The following PIK3C2G variants were observed in gnomAD, a reference collection of about 807,000 sequenced individuals.
PIK3C2G encodes phosphatidylinositol 3-kinase C2 domain-containing subunit gamma.
A neutral mutation model predicts 181.1 loss-of-function variants in PIK3C2G; 168 were observed. That is an observed-to-expected ratio of 0.93 (90% confidence interval 0.82 to 1.05). PIK3C2G has a LOEUF of 1.05. Among genes scored for constraint, PIK3C2G ranks in the 50% least tolerant of loss-of-function variants. PIK3C2G has a pLI of 0.00. For synonymous variants in PIK3C2G, 573 were observed against 592.2 expected (o/e 0.97, Z 0.47); for missense variants, 1,869 against 1,732.8 (o/e 1.08, Z -1.40).
intron 22 of PIK3C2G, among the ~76,000 whole-genome samples, chr12:18,501,993 G>T (rs1941522786): frequency 6.6e-6 from 1 of 152,128 alleles, no homozygotes; most frequent in African/African-American, 2.4e-5. Context: ...AAATTTTCAG[G>T]ATTAAAAAGC....
chr12:18,263,965 G>A (rs149107281), intron 1 of PIK3C2G, among the ~76,000 whole-genome samples: 197 of 152,156 alleles, frequency 1.3e-3, no homozygotes, highest in African/African-American at 4.6e-3. Flanking sequence ...ATAGGACAAG[G>A]CAATTGTTTG....
chr12:18,662,721 C>G, the PIK3C2G span, among the ~76,000 whole-genome samples: 52 of 152,106 alleles, frequency 3.4e-4, no homozygotes, highest in South Asian at 0.011. Context: ...AAAATGAGGT[C>G]TAGTCTGTAA....
chr12:18,246,832 G>T (rs1037274094), upstream of PIK3C2G, among the ~76,000 whole-genome samples: 1 of 152,100 alleles, frequency 6.6e-6, no homozygotes, highest in Non-Finnish European at 1.5e-5. Context: ...AGACTTAGCT[G>T]GAGACTCATA....
chr12:18,516,784 T>A (rs1334376268), intron 24 of PIK3C2G, among the ~76,000 whole-genome samples: 1 of 151,996 alleles, frequency 6.6e-6, no homozygotes, highest in Non-Finnish European at 1.5e-5. Flanking sequence ...ATTGTGGTTT[T>A]TTCTTTCTAG....
At chr12:18,248,723 A>G (rs1948067200) in intron 1 of PIK3C2G, among the ~76,000 whole-genome samples, 1 of 152,210 alleles carries the variant, frequency 6.6e-6, no homozygotes, top group South Asian at 2.1e-4. Flanking sequence ...ACTTTTGGGT[A>G]TGCCATGCTC....
intron 18 of PIK3C2G, among the ~76,000 whole-genome samples, chr12:18,478,840 C>T (rs190543954): frequency 8.6e-4 from 130 of 151,728 alleles, no homozygotes; most frequent in African/African-American, 2.7e-3. Context: ...CCAGACGTGG[C>T]GGCGCAAGCC....
intron 13 of PIK3C2G, among the ~76,000 whole-genome samples, chr12:18,375,291 C>A (rs1192063772): frequency 6.6e-6 from 1 of 152,204 alleles, no homozygotes; most frequent in Non-Finnish European, 1.5e-5. Context: ...GGAGCCAAAG[C>A]AAAGGTCACT....
At chr12:18,304,843 A>T (rs1415338883) in intron 5 of PIK3C2G, among the ~76,000 whole-genome samples, 2 of 152,214 alleles carry the variant, frequency 1.3e-5, no homozygotes, top group Non-Finnish European at 2.9e-5. Flanking sequence ...AAATATTAAA[A>T]TTCCTTCCAA....
chr12:18,520,802 C>T (rs1046116096), intron 24 of PIK3C2G, among the ~76,000 whole-genome samples: 2 of 152,030 alleles, frequency 1.3e-5, no homozygotes, highest in African/African-American at 2.4e-5. Flanking sequence ...GGCACTCTGG[C>T]CTTTTGGATT....
At chr12:18,441,116 T>G (rs2135824321) in intron 18 of PIK3C2G, among the ~76,000 whole-genome samples, 1 of 152,266 alleles carries the variant, frequency 6.6e-6, no homozygotes, top group South Asian at 2.1e-4. Flanking sequence ...GAGCATGGAA[T>G]TCTGTAACAC....
chr12:18,548,830 C>A (rs1403294741), intron 26 of PIK3C2G, among the ~76,000 whole-genome samples: 1 of 151,924 alleles, frequency 6.6e-6, no homozygotes, highest in Non-Finnish European at 1.5e-5. Flanking sequence ...CTTGGTGTGC[C>A]ATCTCCTGTC....
upstream of PIK3C2G, among the ~76,000 whole-genome samples, chr12:18,258,763 T>G (rs1948174119): frequency 6.6e-6 from 1 of 152,082 alleles, no homozygotes; most frequent in South Asian, 2.1e-4. Context: ...GTACAAAATG[T>G]TGAGGCTCAG....
chr12:18,403,568 A>G (rs542709621), intron 16 of PIK3C2G, among the ~76,000 whole-genome samples: 11 of 152,218 alleles, frequency 7.2e-5, no homozygotes, highest in African/African-American at 2.6e-4. Context: ...TATTTTTTTA[A>G]ATGGTTTAAC....
intron 28 of PIK3C2G, among the ~76,000 whole-genome samples, chr12:18,564,497 T>A (rs981261516): frequency 2.0e-5 from 3 of 151,212 alleles, no homozygotes; most frequent in African/African-American, 7.3e-5. Context: ...GCAAAGTTAG[T>A]GCATAGGGAG....
chr12:18,354,717 A>G lies in PIK3C2G; in HGVS notation c.1625+7881A>G, dbSNP rs532361738. ...TTTTCCTCCAGATTTGGAGGGTCAA[A>G]GCAGTCGCAGTCATTCAGGATGCAC... On this transcript the variant is annotated intron_variant, in intron 11 of 32. Coordinates refer to ENST00000538779, the MANE Select transcript of PIK3C2G (RefSeq NM_001288772.2). Among the ~76,000 whole-genome samples, 37 of 152,334 alleles carry G rather than the reference A, an allele frequency of 2.4e-4. No individual in the cohort carries two copies. The South Asian group carries it at 6.6e-3, about 27-fold the overall frequency.
At chr12:18,373,375 T>C (rs1287967901) in intron 13 of PIK3C2G, among the ~76,000 whole-genome samples, 3 of 152,170 alleles carry the variant, frequency 2.0e-5, no homozygotes, top group African/African-American at 7.2e-5. Flanking sequence ...CCAACACATA[T>C]ATCAACTGAA....
downstream of PIK3C2G, among the ~76,000 whole-genome samples, chr12:18,652,474 CTTGGACTT>C (rs1196059402): frequency 7.2e-5 from 11 of 152,152 alleles, no homozygotes; most frequent in African/African-American, 2.7e-4. Flanking sequence ...AACCATTGAT[CTTGGACTT>C]ACAGCCTCCA....
chr12:18,462,979 T>C (rs1948002904), intron 18 of PIK3C2G, among the ~76,000 whole-genome samples: 3 of 152,178 alleles, frequency 2.0e-5, no homozygotes, highest in Admixed American at 1.3e-4. Flanking sequence ...TCACATAGCA[T>C]CATTCTTTGA....
chr12:18,303,139 T>TTTCTTTCTTCCTTTC (rs71302109), intron 5 of PIK3C2G, among the ~76,000 whole-genome samples: 1 of 128,660 alleles, frequency 7.8e-6, no homozygotes, highest in Non-Finnish European at 1.6e-5. Context: ...TCTTTCTTTC[T>TTTCTTTCTTCCTTTC]TTTCTTTTCT....
Sources: gnomAD v4.1 joint callset for allele counts (sites outside exome capture counted in the v4.1 genomes callset) on GRCh38, gnomAD v4.1.1 for gene constraint, MANE v1.5 for transcripts, NCBI Gene and HGNC (gene_info 2026-07-23, HGNC 2026-07-21) for gene names.